The following EIF2S3B variants were observed in gnomAD, a reference collection of about 807,000 sequenced individuals.
The protein encoded by EIF2S3B is eukaryotic translation initiation factor 2 subunit 3B.
In EIF2S3B, 16 loss-of-function variants were observed where a neutral mutation model predicts 26.4. That is an observed-to-expected ratio of 0.61 (90% CI 0.41 to 0.92). The LOEUF is 0.92. Ranked by LOEUF, EIF2S3B falls within the 40% of genes least tolerant of loss-of-function variation. EIF2S3B has a pLI of 0.00. For synonymous variants in EIF2S3B, 183 were observed against 204.4 expected, an observed-to-expected ratio of 0.90 and a Z score of 0.89; for missense variants, 510 against 575.5, an observed-to-expected ratio of 0.89 and a Z score of 1.16.
rs139882003 is a variant in EIF2S3B, at chr12:10,506,316, C to T, written c.414C>T (p.His138=). ...TTTCCTTTGTTGACTGTCCTGGCCA[C>T]GATATTTTGATGGCTACTATGCTGA... is the stretch of plus-strand genomic sequence containing the variant. ...RHVSFVDCPG[H]DILMATMLNG... Residue 138 remains histidine, a synonymous_variant, in exon 1 of 1, where the codon CAC becomes CAT. Coordinates refer to ENST00000538173, the MANE Select transcript of EIF2S3B (RefSeq NM_001357734.3). 1.5e-3 allele frequency: 2,400 copies of T among 1,613,998 alleles called. 22 individuals carry two copies. The highest frequency in any genetic ancestry group is 0.014 in the South Asian group (1,251 of 91,068).
At chr12:10,519,576 T>C (rs1451600226) in intron 1 of EIF2S3B, among the ~76,000 whole-genome samples, 1 of 151,984 alleles carries the variant, frequency 6.6e-6, no homozygotes, top group Non-Finnish European at 1.5e-5. Context: ...ACAGGCAACC[T>C]ACAAAATGGG....
intron 1 of EIF2S3B, among the ~76,000 whole-genome samples, chr12:10,518,302 T>G (rs1864788121): frequency 6.6e-6 from 1 of 152,174 alleles, no homozygotes; most frequent in African/African-American, 2.4e-5. Flanking sequence ...CTGTATTGGG[T>G]GCATATATAT....
intron 1 of EIF2S3B, among the ~76,000 whole-genome samples, chr12:10,517,504 C>T (rs10845154): frequency 0.19 from 28,607 of 151,844 alleles, 3,329 homozygotes; most frequent in Middle Eastern, 0.27. Flanking sequence ...TCTCTCTTTT[C>T]TTCTTTATTA....
At chr12:10,519,502 G>A (rs1343936680) in intron 1 of EIF2S3B, among the ~76,000 whole-genome samples, 2 of 152,000 alleles carry the variant, frequency 1.3e-5, no homozygotes, top group Admixed American at 6.6e-5. Context: ...AGCCAAAATT[G>A]ACAAATGGGA....
chr12:10,514,634 T>C (rs1253417033), intron 1 of EIF2S3B, among the ~76,000 whole-genome samples: 2 of 152,184 alleles, frequency 1.3e-5, no homozygotes, highest in African/African-American at 2.4e-5. Context: ...TCTTCTTGTG[T>C]TTTCTATAAC....
At chr12:10,509,309 A>C (rs1449505190), downstream of EIF2S3B, among the ~76,000 whole-genome samples, 1 of 152,022 alleles carries the variant, frequency 6.6e-6, no homozygotes, top group Non-Finnish European at 1.5e-5. Context: ...GACACACTTA[A>C]ATATTAAGAG....
At chr12:10,521,069 C>A (rs1249966694) in intron 1 of EIF2S3B, among the ~76,000 whole-genome samples, 2 of 152,150 alleles carry the variant, frequency 1.3e-5, no homozygotes, top group Non-Finnish European at 2.9e-5. Flanking sequence ...CACAAATATC[C>A]AGATGTATAT....
intron 1 of EIF2S3B, among the ~76,000 whole-genome samples, chr12:10,514,833 A>G (rs10845153): frequency 0.56 from 85,676 of 151,758 alleles, 24,600 homozygotes; most frequent in East Asian, 0.75. Flanking sequence ...CATTGTCACT[A>G]ACCTTGACTC....
chr12:10,513,906 T>C (rs1864729352), intron 1 of EIF2S3B, among the ~76,000 whole-genome samples: 1 of 144,660 alleles, frequency 6.9e-6, no homozygotes, highest in African/African-American at 2.4e-5. Flanking sequence ...TCCCAACTAC[T>C]TGGGAGGCTG....
chr12:10,519,173 G>T (rs1368300119), intron 1 of EIF2S3B, among the ~76,000 whole-genome samples: 1 of 152,086 alleles, frequency 6.6e-6, no homozygotes, highest in Non-Finnish European at 1.5e-5. Context: ...ATAGATCAAT[G>T]TAACAGAACA....
chr12:10,521,533 C>T (rs73070550), intron 1 of EIF2S3B, among the ~76,000 whole-genome samples: 16,811 of 152,048 alleles, frequency 0.11, 1,152 homozygotes, highest in Non-Finnish European at 0.16. Flanking sequence ...ATATATCCTT[C>T]TTCACCTCCA....
chr12:10,515,304 T>A (rs546966095), intron 1 of EIF2S3B, among the ~76,000 whole-genome samples: 1 of 151,406 alleles, frequency 6.6e-6, no homozygotes, highest in South Asian at 2.1e-4. Context: ...TCAATCTGCT[T>A]CACTTAAAAA....
At chr12:10,513,413 G>A (rs1864723954), downstream of EIF2S3B, among the ~76,000 whole-genome samples, 2 of 152,170 alleles carry the variant, frequency 1.3e-5, no homozygotes, top group African/African-American at 4.8e-5. Context: ...CAACACTGGG[G>A]TGGGAGTTTC....
downstream of EIF2S3B, among the ~76,000 whole-genome samples, chr12:10,512,179 G>A (rs1310679659): frequency 1.3e-5 from 2 of 151,932 alleles, no homozygotes; most frequent in African/African-American, 2.4e-5. Flanking sequence ...CTTATCGCCC[G>A]CTCAAGTCCA....
rs1224361192 is a variant in EIF2S3B, at chr12:10,506,390, A to C, written c.488A>C (p.Glu163Ala). ...GCTCTTCTGTTGATAGCTGGTAATG[A>C]ATCTTGCCCTCAGCCTCAGACATCT... is the stretch of plus-strand genomic sequence containing the variant. ...DAALLLIAGNESCPQPQTSEH... is the reference protein window; with the variant it reads ...DAALLLIAGNASCPQPQTSEH... Residue 163 changes from glutamate to alanine, a missense_variant, in exon 1 of 1, where the codon GAA becomes GCA. Coordinates refer to ENST00000538173, the MANE Select transcript of EIF2S3B (RefSeq NM_001357734.3). 6 of 1,614,134 alleles carry C rather than the reference A, an allele frequency of 3.7e-6. No homozygotes were observed. The highest frequency in any genetic ancestry group is 5.1e-6 in the Non-Finnish European group (6 of 1,179,990).
Position 10,507,530 on chromosome 12 carries a change from T to G in EIF2S3B, c.*209T>G. The G allele has an allele frequency of 1.6e-6, 1 of 620,326 alleles. No individual in the cohort carries two copies. Among genetic ancestry groups the G allele is most frequent in the Non-Finnish European group, 2.8e-6 (1 of 357,612 alleles). The allele number at this position is 620,326 out of a possible 1,614,324, so 38.4% of individuals were successfully genotyped here. On this transcript the variant is annotated 3_prime_UTR_variant, in exon 1 of 1. Transcript: ENST00000538173. ...GTATAAAAATTGGCATAATGTTGGA[T>G]TGAATCTACATTTTGGCAGAAGTTA...
intron 1 of EIF2S3B, among the ~76,000 whole-genome samples, chr12:10,522,326 T>G (rs1431331252): frequency 6.6e-6 from 1 of 152,132 alleles, no homozygotes; most frequent in Non-Finnish European, 1.5e-5. Context: ...CAGAGTGAGA[T>G]CCTGTCTCTA....
downstream of EIF2S3B, among the ~76,000 whole-genome samples, chr12:10,510,809 C>T (rs530275679): frequency 3.9e-5 from 6 of 152,170 alleles, no homozygotes; most frequent in Admixed American, 2.0e-4. Context: ...CAAACTGCAC[C>T]AATATGGAGA....
At position 10,507,017 on chromosome 12, in the gene EIF2S3B, A is replaced by G. The variant is rs753272476; in HGVS notation, c.1115A>G (p.Glu372Gly). Reference protein sequence around the residue: ...GALPEIFTELEISYFLLRRLL... With the variant: ...GALPEIFTELGISYFLLRRLL... Reference sequence around the variant, plus strand: ...TTACCTGAGATATTCACAGAATTGGAAATTTCCTATTTCCTGCTTAGACGG... The same window carrying G: ...TTACCTGAGATATTCACAGAATTGGGAATTTCCTATTTCCTGCTTAGACGG... The change falls in exon 1 of 1, where the codon GAA becomes GGA. Residue 372 changes from glutamate (E) to glycine (G), a missense_variant. Coordinates refer to ENST00000538173, the MANE Select transcript of EIF2S3B (RefSeq NM_001357734.3). 1.2e-6 allele frequency: 2 copies of G among 1,613,740 alleles called. No individual in the cohort carries two copies. The highest frequency in any genetic ancestry group is 1.7e-6 in the Non-Finnish European group (2 of 1,179,680).
Sources: allele counts gnomAD v4.1 joint callset (sites outside exome capture counted in the v4.1 genomes callset), GRCh38; gene constraint gnomAD v4.1.1; transcripts MANE v1.5; gene names NCBI Gene and HGNC (gene_info 2026-07-23, HGNC 2026-07-21).